The following IL34 variants were observed in gnomAD, a reference collection of about 807,000 sequenced individuals.
IL34 encodes the protein interleukin 34.
IL34 carries 17 observed loss-of-function variants against 25.3 expected under a neutral mutation model. The observed-to-expected ratio is 0.67, with a 90% CI of 0.46 to 1.01. The LOEUF is 1.01. Ranked by LOEUF, IL34 falls within the 50% of genes least tolerant of loss-of-function variation. IL34 has a pLI of 0.00. For synonymous variants in IL34, 174 were observed against 140.9 expected, an observed-to-expected ratio of 1.23 and a Z score of -1.66; for missense variants, 368 against 312.9, an observed-to-expected ratio of 1.18 and a Z score of -1.33.
intron 1 of IL34, among the ~76,000 whole-genome samples, chr16:70,584,308 G>C (rs1211126214): frequency 1.3e-5 from 2 of 152,212 alleles, no homozygotes; most frequent in Non-Finnish European, 2.9e-5. Flanking sequence ...GAGCTTCCCA[G>C]GGGCTGCCTG....
chr16:70,604,419 G>C (rs375573193), intron 1 of IL34, among the ~76,000 whole-genome samples: 1 of 152,174 alleles, frequency 6.6e-6, no homozygotes, highest in African/African-American at 2.4e-5. Context: ...GTAAAGTGAG[G>C]CCTGGAGTAA....
chr16:70,582,245 C>A (rs1057410894), intron 1 of IL34, among the ~76,000 whole-genome samples: 1 of 152,360 alleles, frequency 6.6e-6, no homozygotes, highest in South Asian at 2.1e-4. Flanking sequence ...CTCTGGGGGA[C>A]CCCCAAGCTT....
chr16:70,624,345 C>T (rs958831903), intron 1 of IL34, among the ~76,000 whole-genome samples: 21 of 152,040 alleles, frequency 1.4e-4, no homozygotes, highest in African/African-American at 4.6e-4. Context: ...GTTTGTCTCA[C>T]AGTGGAGGCA....
intron 5 of IL34, 30 bp downstream of exon 5, chr16:70,659,783 G>A (rs754307833): frequency 6.3e-7 from 1 of 1,578,134 alleles, no homozygotes; most frequent in South Asian, 1.1e-5. Context: ...TGGCGCCTGG[G>A]GGTGGGAGGC....
intron 4 of IL34, 43 bp downstream of exon 4, chr16:70,657,164 C>T (rs2052252200): frequency 1.3e-6 from 2 of 1,589,260 alleles, no homozygotes; most frequent in East Asian, 4.5e-5. Flanking sequence ...TGTGTGTGTG[C>T]ACACGTGTGT....
At chr16:70,640,405 C>A (rs536518338) in intron 1 of IL34, among the ~76,000 whole-genome samples, 1 of 152,148 alleles carries the variant, frequency 6.6e-6, no homozygotes, top group Non-Finnish European at 1.5e-5. Flanking sequence ...GGGTGGATCA[C>A]ATGAGGCCAG....
In IL34 at chr16:70,659,933, C is replaced by T. The variant is rs75183493; in HGVS notation, c.539-64C>T. 7,993 of 1,505,010 alleles carry T rather than the reference C, an allele frequency of 5.3e-3. 75 individuals are homozygous for T. Among genetic ancestry groups the T allele is most frequent in the African/African-American group, 0.037 (2,664 of 71,220 alleles). The allele number at this position is 1,505,010 out of a possible 1,614,324, so 93.2% of individuals were successfully genotyped here. Reference sequence around the variant, plus strand: ...TGGGGGACAAGCACATGCGGCTTGGCTTAGTGGGGAGGGTGGTCTTGAACA... The same window carrying T: ...TGGGGGACAAGCACATGCGGCTTGGTTTAGTGGGGAGGGTGGTCTTGAACA... On this transcript the variant is annotated intron_variant, in intron 5 of 5. Transcript: ENST00000288098.
intron 1 of IL34, among the ~76,000 whole-genome samples, chr16:70,592,374 C>G (rs2050766526): frequency 1.3e-5 from 2 of 152,142 alleles, no homozygotes; most frequent in African/African-American, 4.8e-5. Context: ...TAGAAGGCCC[C>G]TCCTCTCTCT....
chr16:70,636,482 T>C (rs1333121280), intron 1 of IL34, among the ~76,000 whole-genome samples: 1 of 152,024 alleles, frequency 6.6e-6, no homozygotes, highest in African/African-American at 2.4e-5. Context: ...CTGTAAAAAA[T>C]GAATACTCTG....
chr16:70,607,226 C>G (rs560275869), intron 1 of IL34, among the ~76,000 whole-genome samples: 1 of 152,132 alleles, frequency 6.6e-6, no homozygotes, highest in South Asian at 2.1e-4. Context: ...CTCAGCCTCC[C>G]GAGTAGCCGG....
At chr16:70,615,882 A>T (rs1239780640) in intron 1 of IL34, among the ~76,000 whole-genome samples, 7 of 151,980 alleles carry the variant, frequency 4.6e-5, no homozygotes, top group Admixed American at 4.6e-4. Context: ...GAGCCCAGGC[A>T]GTGGAGGTTG....
chr16:70,646,850 C>T lies in IL34; in HGVS notation c.-98C>T. On this transcript the variant is annotated 5_prime_UTR_variant, in exon 1 of 6. Coordinates refer to ENST00000288098, the MANE Select transcript of IL34 (RefSeq NM_001393494.1). The stretch of plus-strand genomic sequence containing the variant: ...CAGCCCTTCCCTGACTGAGTGACCA[C>T]CTCTGCTGCCCCGAGGCCATGTAGG... 1 of 1,219,840 alleles carries T rather than the reference C, an allele frequency of 8.2e-7. No homozygotes were observed. Among genetic ancestry groups the T allele is most frequent in the Non-Finnish European group, 1.1e-6 (1 of 907,728 alleles). The allele number at this position is 1,219,840 out of a possible 1,614,324, so 75.6% of individuals were successfully genotyped here. A position where few individuals can be genotyped will look rare whatever the true frequency, so the allele number is the denominator to read the frequency against.
intron 1 of IL34, among the ~76,000 whole-genome samples, chr16:70,587,533 A>T (rs1238468162): frequency 2.0e-5 from 3 of 151,832 alleles, no homozygotes; most frequent in African/African-American, 4.8e-5. Context: ...GGCGTCCCAA[A>T]GGGCTGGGAT....
At chr16:70,642,725 T>C (rs773006557), upstream of IL34, among the ~76,000 whole-genome samples, 4 of 152,148 alleles carry the variant, frequency 2.6e-5, no homozygotes, top group Non-Finnish European at 5.9e-5. Context: ...CTTCAACACA[T>C]GTATTTTGGA....
chr16:70,585,327 G>A (rs1029985108), intron 1 of IL34, among the ~76,000 whole-genome samples: 16 of 152,130 alleles, frequency 1.1e-4, no homozygotes, highest in East Asian at 1.9e-4. Context: ...AGGCTCAAGC[G>A]ATCCTCCCGC....
chr16:70,596,005 C>T (rs1379150283), intron 1 of IL34, among the ~76,000 whole-genome samples: 2 of 143,682 alleles, frequency 1.4e-5, no homozygotes, highest in Admixed American at 6.9e-5. Context: ...AGCGAGACCC[C>T]GTCTCAAAAA....
intron 1 of IL34, among the ~76,000 whole-genome samples, chr16:70,611,555 G>C (rs2051091471): frequency 6.6e-6 from 1 of 152,114 alleles, no homozygotes; most frequent in South Asian, 2.1e-4. Flanking sequence ...TTGGGAGGCT[G>C]AGGCAGGTGG....
upstream of IL34, among the ~76,000 whole-genome samples, chr16:70,644,818 AGGGAGGAGG>A (rs2051872905): frequency 7.3e-6 from 1 of 137,890 alleles, no homozygotes; most frequent in Non-Finnish European, 1.6e-5. Flanking sequence ...AAAAGGAGGA[AGGGAGGAGG>A]AAGGAGGAAG....
intron 1 of IL34, among the ~76,000 whole-genome samples, chr16:70,609,155 G>T (rs1021706422): frequency 1.3e-5 from 2 of 152,096 alleles, no homozygotes; most frequent in Non-Finnish European, 2.9e-5. Flanking sequence ...TCAGCTCACT[G>T]CAACCTCCGC....
Sources: allele counts gnomAD v4.1 joint callset (sites outside exome capture counted in the v4.1 genomes callset), GRCh38; gene constraint gnomAD v4.1.1; transcripts MANE v1.5; gene names NCBI Gene and HGNC (gene_info 2026-07-23, HGNC 2026-07-21).